Variants in NTNG2 observed in about 807,000 individuals in gnomAD.
NTNG2 encodes the protein netrin-G2.
Under a neutral mutation model 47.6 loss-of-function variants are expected in NTNG2, and 15 were observed. The observed-to-expected ratio is 0.32, with a 90% confidence interval of 0.21 to 0.49. The LOEUF (loss-of-function observed/expected upper bound fraction) is 0.49, where lower values mean the gene tolerates loss of function less well. Ranked by LOEUF, NTNG2 falls within the 20% of genes least tolerant of loss-of-function variation. The pLI is 0.99. For missense variants in NTNG2, 578 were observed against 764.6 expected (o/e 0.76, Z 2.88); for synonymous variants, 307 against 324.6 (o/e 0.95, Z 0.58).
rs1048409464 is a variant in NTNG2, at chr9:132,218,800, A to G, written c.858-8049A>G. On this transcript the variant is annotated intron_variant, in intron 3 of 7. Transcript: ENST00000393229. The surrounding 1 kb of genome is among the most constrained non-coding windows in gnomAD (Gnocchi z 5.4). ...GCGTGAGCCAACGCGCCCGGCCCCA[A>G]TGTGATAGGTTTATAAAAATAGGAA... Among the ~76,000 whole-genome samples, 17 of 152,152 alleles carry G rather than the reference A, an allele frequency of 1.1e-4. No individual in the cohort carries two copies. Among genetic ancestry groups the G allele is most frequent in the Non-Finnish European group, 1.8e-4 (12 of 68,036 alleles).
At chr9:132,223,806 A>G (rs1840527599) in intron 3 of NTNG2, among the ~76,000 whole-genome samples, 1 of 152,146 alleles carries the variant, frequency 6.6e-6, no homozygotes, top group African/African-American at 2.4e-5. Context: ...ACCAGTCTCC[A>G]TGAAGCAGCC....
chr9:132,190,716 A>G (rs1837815340), intron 2 of NTNG2, among the ~76,000 whole-genome samples: 1 of 152,230 alleles, frequency 6.6e-6, no homozygotes, highest in South Asian at 2.1e-4. Context: ...TAAAAGGAAA[A>G]GCATTTAAGT....
chr9:132,176,327 C>T (rs1041445879), intron 2 of NTNG2, among the ~76,000 whole-genome samples: 2 of 152,232 alleles, frequency 1.3e-5, no homozygotes, highest in Non-Finnish European at 2.9e-5. Context: ...ATAGAAAACC[C>T]TGCACCCGTT....
chr9:132,225,254 G>A (rs1164217765), intron 3 of NTNG2, among the ~76,000 whole-genome samples: 1 of 149,800 alleles, frequency 6.7e-6, no homozygotes, highest in East Asian at 2.0e-4. Flanking sequence ...TTTTTGTTTT[G>A]TTTGTTTTTG....
intron 2 of NTNG2, among the ~76,000 whole-genome samples, chr9:132,177,225 G>C (rs906398604): frequency 1.3e-5 from 2 of 152,256 alleles, no homozygotes; most frequent in Admixed American, 6.5e-5. Context: ...GGCCTCAAAC[G>C]ATCTGCCCGC....
At chr9:132,235,617 G>A (rs1190848712) in intron 5 of NTNG2, among the ~76,000 whole-genome samples, 2 of 152,096 alleles carry the variant, frequency 1.3e-5, no homozygotes, top group Non-Finnish European at 2.9e-5. Context: ...CCACCCCCTC[G>A]CATAACTTGG....
At chr9:132,216,414 C>CTCTCTCTCTCTCTCTCTGTG (rs1554790515) in intron 3 of NTNG2, among the ~76,000 whole-genome samples, 2 of 110,286 alleles carry the variant, frequency 1.8e-5, no homozygotes, top group African/African-American at 9.8e-5. Flanking sequence ...CTCTCTCTCT[C>CTCTCTCTCTCTCTCTCTGTG]TGTGTGTGTG....
intron 2 of NTNG2, among the ~76,000 whole-genome samples, chr9:132,188,517 A>T (rs1373383131): frequency 6.6e-6 from 1 of 152,212 alleles, no homozygotes; most frequent in African/African-American, 2.4e-5. Context: ...GACATTGCTC[A>T]GCCTCTCTGA....
chr9:132,244,460 A>T lies in NTNG2; in HGVS notation c.*2349A>T. On this transcript the variant is annotated 3_prime_UTR_variant, in exon 8 of 8. Coordinates refer to ENST00000393229, the MANE Select transcript of NTNG2 (RefSeq NM_032536.4). ...CTCCCGAAGTGCTGAGATTACAGGC[A>T]TGAGCCACCGCACCACCTGCCTGTC... 1 of 152,302 alleles carries T rather than the reference A, an allele frequency of 6.6e-6. No homozygotes were observed. The highest frequency in any genetic ancestry group is 1.9e-4 in the East Asian group (1 of 5,196). The allele number at this position is 152,302 out of a possible 1,614,324, so 9.4% of individuals were successfully genotyped here.
At chr9:132,230,224 GAAAT>G (rs1450487206) in intron 4 of NTNG2, among the ~76,000 whole-genome samples, 1 of 152,218 alleles carries the variant, frequency 6.6e-6, no homozygotes, top group African/African-American at 2.4e-5. Flanking sequence ...CCAAAAATCT[GAAAT>G]AAGAGGAGGA....
In NTNG2 at chr9:132,208,355, AGC is replaced by A. The variant is rs1269761053; in HGVS notation, c.857+9747_857+9748del. Among the ~76,000 whole-genome samples the A allele has an allele frequency of 6.6e-6, 1 of 152,158 alleles. No homozygotes were observed. Among genetic ancestry groups the A allele is most frequent in the Non-Finnish European group, 1.5e-5 (1 of 68,022 alleles). ...CAGGGCCAGATCACGCCAGCCCTGC[AGC>A]CCCGGGAGGAAGTTGGTTTTGGTTG... is the stretch of plus-strand genomic sequence containing the variant. On this transcript the variant is annotated intron_variant, in intron 3 of 7. Transcript: ENST00000393229. The surrounding 1 kb of genome is among the most constrained non-coding windows in gnomAD (Gnocchi z 4.0).
At position 132,174,043 on chromosome 9, in the gene NTNG2, A is replaced by T. The variant is rs1255520175; in HGVS notation, c.213+6999A>T. 2.2e-4 allele frequency among the ~76,000 whole-genome samples: 25 copies of T among 113,224 alleles called. 1 individual carries two copies. The highest frequency in any genetic ancestry group is 9.1e-4 in the African/African-American group (23 of 25,256). 74.3% of individuals were successfully genotyped at this position (113,224 alleles called of 152,430 possible). A position where few individuals can be genotyped will look rare whatever the true frequency, so the allele number is the denominator to read the frequency against. On this transcript the variant is annotated intron_variant, in intron 2 of 7. Transcript: ENST00000393229. ...GGATGGACGGACAGGCAGGCAGGCC[A>T]CACCATGCTGCGGATGAGATGGACA...
At chr9:132,203,747 C>G (rs764097032) in intron 3 of NTNG2, among the ~76,000 whole-genome samples, 2 of 152,194 alleles carry the variant, frequency 1.3e-5, no homozygotes, top group African/African-American at 2.4e-5. Context: ...CACACTGGAG[C>G]CAGGGCAGGG....
At chr9:132,190,887 C>G (rs1242228019) in intron 2 of NTNG2, among the ~76,000 whole-genome samples, 3 of 152,202 alleles carry the variant, frequency 2.0e-5, no homozygotes, top group Admixed American at 1.3e-4. Context: ...TGCCCACCCT[C>G]CTTTGACTTC....
rs373795769 is a variant in NTNG2, at chr9:132,188,819, G to A, written c.214-9147G>A. On this transcript the variant is annotated intron_variant, in intron 2 of 7. Coordinates refer to ENST00000393229, the MANE Select transcript of NTNG2 (RefSeq NM_032536.4). The stretch of plus-strand genomic sequence containing the variant: ...CTCATTGAGCGTTCATTCATTCTCC[G>A]AAGATTTCCCGAGTCCCTGAGGAGG... Among the ~76,000 whole-genome samples the A allele has an allele frequency of 2.4e-4, 36 of 152,286 alleles. No individual in the cohort carries two copies. The East Asian group carries it at 4.4e-3, about 19-fold the overall frequency.
chr9:132,237,888 C>T (rs1427928936), intron 5 of NTNG2, among the ~76,000 whole-genome samples: 1 of 152,218 alleles, frequency 6.6e-6, no homozygotes, highest in Admixed American at 6.5e-5. Flanking sequence ...TAGAGGATGC[C>T]TCATCTCCTC....
rs761846223 is a variant in NTNG2 at position 132,221,379 on chromosome 9, A to C, written c.858-5470A>C. 2.8e-4 allele frequency among the ~76,000 whole-genome samples: 42 copies of C among 152,322 alleles called. No individual in the cohort carries two copies. The highest frequency in any genetic ancestry group is 5.4e-4 in the Non-Finnish European group (37 of 68,018). On this transcript the variant is annotated intron_variant, in intron 3 of 7. Transcript: ENST00000393229. This position sits in a 1 kb window ranked among gnomAD's most constrained non-coding sequence, Gnocchi z 4.2. ...GAGAGGGGCACTGAGAGAGCCAGAG[A>C]GGCCAAGAGGTCATACACAAACACC...
In NTNG2 at chr9:132,198,340, C is replaced by T. The variant is rs756334945; in HGVS notation, c.588C>T (p.Thr196=). 1.2e-6 allele frequency: 2 copies of T among 1,612,800 alleles called. No individual in the cohort carries two copies. Among genetic ancestry groups the T allele is most frequent in the East Asian group, 2.2e-5 (1 of 44,878 alleles). Residue 196 remains threonine, a synonymous_variant, in exon 3 of 8, where the codon ACC becomes ACT. Transcript: ENST00000393229. ...SSSSAHRVLC[T]EEYSRWAGSK... is the part of the protein sequence containing the mutation. ...CCAGCGCGCACCGCGTGCTCTGCAC[C>T]GAGGAGTACTCGCGCTGGGCAGGCT...
intron 3 of NTNG2, among the ~76,000 whole-genome samples, chr9:132,204,291 C>T (rs774466809): frequency 1.3e-5 from 2 of 152,162 alleles, no homozygotes; most frequent in Non-Finnish European, 2.9e-5. Context: ...TGTCCCTGGG[C>T]CTCCCCCAAC....
Sources: allele counts gnomAD v4.1 joint callset (sites outside exome capture counted in the v4.1 genomes callset), GRCh38; gene constraint gnomAD v4.1.1; non-coding constraint Gnocchi (gnomAD v3.1); transcripts MANE v1.5; gene names NCBI Gene and HGNC (gene_info 2026-07-23, HGNC 2026-07-21).